The following PLXNA4 variants were observed in gnomAD, a reference collection of about 807,000 sequenced individuals.
PLXNA4 encodes the protein plexin A4.
Under a neutral mutation model 191.8 loss-of-function variants are expected in PLXNA4, and 44 were observed. That is an observed-to-expected ratio of 0.23 (90% CI 0.18 to 0.29). The LOEUF is 0.29. Ranked by LOEUF, PLXNA4 falls within the 10% of genes least tolerant of loss-of-function variation. The probability of loss-of-function intolerance (pLI) is 1.00; values close to 1 mark genes in which losing one functional copy is unlikely to be tolerated. For synonymous variants in PLXNA4, 1,082 were observed against 1,009.5 expected (o/e 1.07, Z -1.36); for missense variants, 1,800 against 2,488.8 (o/e 0.72, Z 5.89).
chr7:132,419,286 G>T (rs147532867), intron 3 of PLXNA4, among the ~76,000 whole-genome samples: 2 of 152,288 alleles, frequency 1.3e-5, no homozygotes, highest in African/African-American at 4.8e-5. Context: ...AGAGAATCTT[G>T]TACCCACCAG....
intron 2 of PLXNA4, among the ~76,000 whole-genome samples, chr7:132,499,756 T>A (rs889089067): frequency 1.3e-5 from 2 of 152,186 alleles, no homozygotes; most frequent in African/African-American, 4.8e-5. Context: ...GCAATGTATC[T>A]TCCTCTCTTG....
intron 3 of PLXNA4, among the ~76,000 whole-genome samples, chr7:132,391,132 A>C (rs919548224): frequency 7.2e-5 from 11 of 152,200 alleles, no homozygotes; most frequent in Non-Finnish European, 1.2e-4. Context: ...GTCTGTGCCC[A>C]GCCAGGAGGA....
At chr7:132,646,320 C>T (rs1803865848) in intron 1 of PLXNA4, among the ~76,000 whole-genome samples, 1 of 152,194 alleles carries the variant, frequency 6.6e-6, no homozygotes, top group South Asian at 2.1e-4. Context: ...GTCTCTTCCA[C>T]TCAGAACACC....
Position 132,251,706 on chromosome 7 carries a change from A to AG in PLXNA4, c.1504-10541dup, listed in dbSNP as rs1186836194. 3.4e-4 allele frequency among the ~76,000 whole-genome samples: 51 copies of AG among 152,222 alleles called. 3 individuals carry two copies. Among genetic ancestry groups the AG allele is most frequent in the Non-Finnish European group, 4.4e-5 (3 of 68,038 alleles). On this transcript the variant is annotated intron_variant, in intron 4 of 31. Transcript: ENST00000321063. ...TTGTGAATGAGTGCACAGCAGCCCAAGGGGGTGTGCCCAGATGTGCATGTC... is the reference window on the plus strand; with the variant it reads ...TTGTGAATGAGTGCACAGCAGCCCAAGGGGGGTGTGCCCAGATGTGCATGTC...
intron 1 of PLXNA4, among the ~76,000 whole-genome samples, chr7:132,648,042 T>C (rs1168926305): frequency 2.0e-5 from 3 of 151,926 alleles, no homozygotes; most frequent in Admixed American, 2.0e-4. Context: ...CACAGTCATA[T>C]ATATACTCAC....
At chr7:132,287,894 G>A (rs1003957789) in intron 4 of PLXNA4, among the ~76,000 whole-genome samples, 5 of 152,168 alleles carry the variant, frequency 3.3e-5, no homozygotes, top group Admixed American at 6.5e-5. Context: ...TCATGGGGCC[G>A]AGGCTGGTTC....
intron 5 of PLXNA4, among the ~76,000 whole-genome samples, chr7:132,229,404 A>G (rs1562980193): frequency 1.3e-5 from 2 of 152,214 alleles, no homozygotes; most frequent in African/African-American, 4.8e-5. Flanking sequence ...ACTTGAGGTC[A>G]CTGCATGGAG....
At chr7:132,646,043 G>A (rs886457044) in exon 2 of PLXNA4, 20 of 152,658 alleles carry the variant, frequency 1.3e-4, no homozygotes, top group African/African-American at 4.8e-4. Context: ...AGTGGCACTT[G>A]CTGTGGAGGT....
At chr7:132,487,208 T>C (rs1797595351) in intron 3 of PLXNA4, among the ~76,000 whole-genome samples, 2 of 152,094 alleles carry the variant, frequency 1.3e-5, no homozygotes, top group African/African-American at 2.4e-5. Flanking sequence ...CAAATCCTCA[T>C]CCAGGGTCTA....
In PLXNA4 at chr7:132,123,852, C is replaced by G. The variant is rs996869602; in HGVS notation, c.*6627G>C. On this transcript the variant is annotated 3_prime_UTR_variant, in exon 32 of 32. Transcript: ENST00000321063. ...ACCCTTCCATCCTGTTTCTCCCCTT[C>G]TCTAGCATTTGAAGCTCAACTCTGG... 1 of 152,406 alleles carries G rather than the reference C, an allele frequency of 6.6e-6. No homozygotes were observed. The highest frequency in any genetic ancestry group is 1.5e-5 in the Non-Finnish European group (1 of 68,174). The allele number at this position is 152,406 out of a possible 1,614,324, so 9.4% of individuals were successfully genotyped here.
chr7:132,419,224 A>T (rs888944193), intron 3 of PLXNA4, among the ~76,000 whole-genome samples: 42 of 152,344 alleles, frequency 2.8e-4, no homozygotes, highest in African/African-American at 9.4e-4. Flanking sequence ...GGGGCCAGGC[A>T]TCGTGTCCTG....
intron 1 of PLXNA4, among the ~76,000 whole-genome samples, chr7:132,540,014 A>G (rs1037641298): frequency 9.9e-5 from 15 of 152,178 alleles, no homozygotes; most frequent in Non-Finnish European, 2.1e-4. Context: ...CCCCGTGGGC[A>G]TCTAGAAATG....
At chr7:132,330,174 C>T (rs985534159) in intron 3 of PLXNA4, among the ~76,000 whole-genome samples, 12 of 152,110 alleles carry the variant, frequency 7.9e-5, no homozygotes, top group African/African-American at 2.7e-4. Context: ...TGCAGAGCCA[C>T]CGAGGTGGGA....
intron 2 of PLXNA4, among the ~76,000 whole-genome samples, chr7:132,641,875 G>A (rs940153807): frequency 6.6e-6 from 1 of 152,156 alleles, no homozygotes; most frequent in Non-Finnish European, 1.5e-5. Context: ...AATGATCACA[G>A]CAGTCAATGT....
Position 132,582,758 on chromosome 7 carries a change from G to C in PLXNA4, c.-87+63170C>G, listed in dbSNP as rs1044414657. ...TTTTATGCCAGAGATTTGTTATGCAGTAGCAGATAATAAACACAGTGATTT... is the reference window on the plus strand; with the variant it reads ...TTTTATGCCAGAGATTTGTTATGCACTAGCAGATAATAAACACAGTGATTT... On this transcript the variant is annotated intron_variant, in intron 2 of 4. Coordinates refer to the PLXNA4 transcript ENST00000378539. Among the ~76,000 whole-genome samples, 18 of 152,226 alleles carry C rather than the reference G, an allele frequency of 1.2e-4. 1 individual carries two copies. Among genetic ancestry groups the C allele is most frequent in the Admixed American group, 6.5e-4 (10 of 15,286 alleles).
At chr7:132,161,638 A>G (rs960672706) in intron 24 of PLXNA4, among the ~76,000 whole-genome samples, 14 of 152,060 alleles carry the variant, frequency 9.2e-5, no homozygotes, top group Admixed American at 9.2e-4. Flanking sequence ...CTAGCGCTCT[A>G]GCAGGCTTCC....
intron 2 of PLXNA4, among the ~76,000 whole-genome samples, chr7:132,611,205 G>A (rs1803040479): frequency 2.0e-5 from 3 of 152,192 alleles, no homozygotes; most frequent in Non-Finnish European, 4.4e-5. Context: ...TGGTGTTTGC[G>A]AACTTAAATA....
intron 2 of PLXNA4, among the ~76,000 whole-genome samples, chr7:132,492,722 C>G (rs1797855131): frequency 6.6e-6 from 1 of 152,248 alleles, no homozygotes; most frequent in East Asian, 1.9e-4. Flanking sequence ...CAAATGGCAG[C>G]TCAGCTGCTT....
intron 1 of PLXNA4, among the ~76,000 whole-genome samples, chr7:132,555,205 T>C (rs944002666): frequency 6.6e-5 from 10 of 152,214 alleles, no homozygotes; most frequent in African/African-American, 1.9e-4. Flanking sequence ...CTGTTAATTC[T>C]AGACTCTGAG....
Sources: gnomAD v4.1 joint callset for allele counts (sites outside exome capture counted in the v4.1 genomes callset) on GRCh38, gnomAD v4.1.1 for gene constraint, MANE v1.5 for transcripts, NCBI Gene and HGNC (gene_info 2026-07-23, HGNC 2026-07-21) for gene names.